The following DOP1A variants were observed in gnomAD, a reference collection of about 807,000 sequenced individuals.
The protein encoded by DOP1A is DOP1 leucine zipper like protein A, also known as protein DOP1A.
A neutral mutation model predicts 267.6 loss-of-function variants in DOP1A; 90 were observed. The ratio of observed to expected loss-of-function variants is 0.34; its 90% confidence interval spans 0.28 to 0.40. The LOEUF is 0.40. Ranked by LOEUF, DOP1A falls within the 10% of genes least tolerant of loss-of-function variation. DOP1A has a pLI of 1.00. For synonymous variants in DOP1A, 932 were observed against 999.1 expected (o/e 0.93, Z 1.27); for missense variants, 2,437 against 2,900.4 (o/e 0.84, Z 3.67).
At chr6:83,169,245 G>GT, downstream of DOP1A, 1 of 1,614,066 alleles carries the variant, frequency 6.2e-7, no homozygotes, top group South Asian at 1.1e-5. Context: ...CAGAAACCTG[G>GT]TTGGGGCCTT....
intron 20 of DOP1A, among the ~76,000 whole-genome samples, chr6:83,136,677 G>T (rs956793989): frequency 6.6e-6 from 1 of 151,998 alleles, no homozygotes; most frequent in Non-Finnish European, 1.5e-5. Context: ...TCCTTCTTCT[G>T]AATCTTGTAA....
chr6:83,108,275 G>A (rs750635569), intron 4 of DOP1A, among the ~76,000 whole-genome samples: 33 of 152,144 alleles, frequency 2.2e-4, no homozygotes, highest in South Asian at 4.1e-4. Context: ...TACCTCCCAG[G>A]TTCAAGCAGT....
intron 1 of DOP1A, among the ~76,000 whole-genome samples, chr6:83,081,023 C>A (rs574068319): frequency 6.6e-6 from 1 of 152,110 alleles, no homozygotes; most frequent in Non-Finnish European, 1.5e-5. Context: ...GCTATTGTAA[C>A]CAAAATAACA....
chr6:83,148,397 G>C (rs1419878830), intron 26 of DOP1A, among the ~76,000 whole-genome samples: 2 of 151,802 alleles, frequency 1.3e-5, no homozygotes, highest in African/African-American at 2.4e-5. Flanking sequence ...CTGGGCAACA[G>C]AGTGAGACTC....
At chr6:83,145,377 G>A in intron 24 of DOP1A, 147 bp from the exon 25 acceptor site, 1 of 643,486 alleles carries the variant, frequency 1.6e-6, no homozygotes, top group Non-Finnish European at 2.4e-6. Context: ...GAGCACAGGA[G>A]TTTGAGACCA....
intron 35 of DOP1A, 134 bp downstream of exon 35, chr6:83,157,452 A>G (rs1783038763): frequency 1.1e-6 from 1 of 940,158 alleles, no homozygotes; most frequent in East Asian, 2.5e-5. Flanking sequence ...GATGCTTTTT[A>G]CAGTTGAAAA....
chr6:83,104,554 G>A (rs962889104), intron 4 of DOP1A, among the ~76,000 whole-genome samples: 3 of 151,884 alleles, frequency 2.0e-5, no homozygotes, highest in African/African-American at 7.3e-5. Flanking sequence ...CTGTTCTCTG[G>A]AACAGTTCTC....
At chr6:83,145,338 T>C (rs1327983646) in intron 24 of DOP1A, among the ~76,000 whole-genome samples, 186 bp from the exon 25 acceptor site, 1 of 132,634 alleles carries the variant, frequency 7.5e-6, no homozygotes, top group Non-Finnish European at 1.6e-5. Flanking sequence ...TCCTAGCACT[T>C]TGGGGGGCTA....
intron 38 of DOP1A, chr6:83,164,638 G>A (rs1428271944): frequency 1.3e-6 from 2 of 1,558,752 alleles, no homozygotes. Flanking sequence ...AAGGCTGTGA[G>A]TTCTCCTCTT....
In DOP1A at chr6:83,153,965, G is replaced by A. The variant is rs1782241094; in HGVS notation, c.6311G>A (p.Arg2104Gln). ...LSSLSGYQYT[R>Q]RAWKKEAFDL... ...AGTCTTAGTGGGTATCAGTACACAC[G>A]GAGAGCTTGGAAAAAAGAAGCTTTT... Residue 2104 changes from arginine (R) to glutamine (Q), a missense_variant, in exon 32 of 39, where the codon CGG (arginine) becomes CAG (glutamine). Transcript: ENST00000349129. The A allele has an allele frequency of 6.2e-7, 1 of 1,613,954 alleles. No homozygotes were observed. The highest frequency in any genetic ancestry group is 8.5e-7 in the Non-Finnish European group (1 of 1,179,974).
At chr6:83,092,000 G>A (rs1451349530) in intron 1 of DOP1A, among the ~76,000 whole-genome samples, 2 of 152,168 alleles carry the variant, frequency 1.3e-5, no homozygotes, top group Non-Finnish European at 2.9e-5. Context: ...AACTAGAAAT[G>A]TTTTAGGTTG....
At chr6:83,105,688 T>C (rs1773499892) in intron 4 of DOP1A, among the ~76,000 whole-genome samples, 1 of 152,158 alleles carries the variant, frequency 6.6e-6, no homozygotes, top group Non-Finnish European at 1.5e-5. Flanking sequence ...AAAGATAGTA[T>C]GTAAGGCCAG....
In DOP1A at chr6:83,137,550, T is replaced by C; in HGVS notation, c.3508T>C (p.Ser1170Pro). Residue 1170 changes from serine to proline, a missense_variant, in exon 21 of 39, where the codon TCA becomes CCA. Transcript: ENST00000349129. The part of the protein sequence containing the change: ...VVSGLEVESA[S>P]VTSQLEIEAM... The stretch of plus-strand genomic sequence containing the variant: ...AAGTGGCCTCGAAGTGGAATCTGCA[T>C]CAGTTACATCTCAATTAGAAATTGA... The C allele has an allele frequency of 6.2e-7, 1 of 1,613,854 alleles. No homozygotes were observed. The highest frequency in any genetic ancestry group is 8.5e-7 in the Non-Finnish European group (1 of 1,179,828).
At chr6:83,114,834 G>A (rs561846843) in intron 7 of DOP1A, among the ~76,000 whole-genome samples, 6 of 152,204 alleles carry the variant, frequency 3.9e-5, no homozygotes, top group African/African-American at 1.2e-4. Context: ...TTCGTTGAAT[G>A]TGTTTTTTAA....
intron 30 of DOP1A, among the ~76,000 whole-genome samples, chr6:83,152,620 C>CT (rs35823510): frequency 0.094 from 12,593 of 133,796 alleles, 723 homozygotes; most frequent in East Asian, 0.16. Context: ...TTTTCTTTTT[C>CT]TTTTTTTTTT....
intron 4 of DOP1A, among the ~76,000 whole-genome samples, chr6:83,108,609 A>G (rs1159072154): frequency 1.3e-5 from 2 of 152,208 alleles, no homozygotes; most frequent in Non-Finnish European, 2.9e-5. Context: ...TGAAATTGAC[A>G]GTTATTACAG....
At chr6:83,093,206 C>G (rs1770794633) in intron 1 of DOP1A, among the ~76,000 whole-genome samples, 1 of 152,208 alleles carries the variant, frequency 6.6e-6, no homozygotes, top group Non-Finnish European at 1.5e-5. Context: ...AGCACCCAAA[C>G]ATAGTGCTTG....
intron 1 of DOP1A, among the ~76,000 whole-genome samples, chr6:83,082,967 C>A (rs1027394664): frequency 2.6e-5 from 4 of 151,932 alleles, no homozygotes; most frequent in African/African-American, 9.7e-5. Context: ...GCCACCACGC[C>A]CAGCTAATTT....
At position 83,168,460 on chromosome 6, in the gene DOP1A, A is replaced by G; in HGVS notation, c.*293A>G. On this transcript the variant is annotated 3_prime_UTR_variant, in exon 39 of 39. Transcript: ENST00000349129. Reference sequence around the variant, plus strand: ...TAAACCTGCAAAATATACACTACCCATTTTTTTTTTCCATTGGTTTCAGAC... The same window carrying G: ...TAAACCTGCAAAATATACACTACCCGTTTTTTTTTTCCATTGGTTTCAGAC... The G allele has an allele frequency of 1.0e-6, 1 of 962,164 alleles. No individual in the cohort carries two copies. Among genetic ancestry groups the G allele is most frequent in the African/African-American group, 1.8e-5 (1 of 56,542 alleles). The allele number at this position is 962,164 out of a possible 1,614,324, so 59.6% of individuals were successfully genotyped here.
Sources: gnomAD v4.1 joint callset for allele counts (sites outside exome capture counted in the v4.1 genomes callset) on GRCh38, gnomAD v4.1.1 for gene constraint, MANE v1.5 for transcripts, NCBI Gene and HGNC (gene_info 2026-07-23, HGNC 2026-07-21) for gene names.